Variants in MAF observed in about 807,000 individuals in gnomAD.
MAF encodes the protein transcription factor Maf.
In MAF, 10 loss-of-function variants were observed where a neutral mutation model predicts 22.0. The observed-to-expected ratio is 0.45, with a 90% confidence interval of 0.28 to 0.77. MAF has a LOEUF of 0.77. Among genes scored for constraint, MAF ranks in the 30% least tolerant of loss-of-function variants. The pLI is 0.12. For missense variants in MAF, 544 were observed against 548.4 expected (o/e 0.99, Z 0.08); for synonymous variants, 337 against 255.8 (o/e 1.32, Z -3.03).
chr16:79,334,984 A>G, the MAF span, among the ~76,000 whole-genome samples: 3 of 151,896 alleles, frequency 2.0e-5, no homozygotes, highest in African/African-American at 7.3e-5. Context: ...CAGGAGATTG[A>G]GACCAGCCTG....
chr16:79,564,954 G>A, the MAF span, among the ~76,000 whole-genome samples: 1 of 152,204 alleles, frequency 6.6e-6, no homozygotes, highest in African/African-American at 2.4e-5. Context: ...TGTAAAAAAT[G>A]TGGTACCTCG....
At chr16:79,257,065 T>C in the MAF span, among the ~76,000 whole-genome samples, 1 of 152,054 alleles carries the variant, frequency 6.6e-6, no homozygotes, top group African/African-American at 2.4e-5. Context: ...TAGTCTTGGT[T>C]ACTCGGGAGG....
the MAF span, among the ~76,000 whole-genome samples, chr16:79,495,880 A>G: frequency 6.6e-6 from 1 of 152,224 alleles, no homozygotes; most frequent in Non-Finnish European, 1.5e-5. Context: ...GGAACAAATC[A>G]GAAATATCTC....
At chr16:79,477,720 A>AT in the MAF span, among the ~76,000 whole-genome samples, 22 of 149,944 alleles carry the variant, frequency 1.5e-4, no homozygotes, top group Middle Eastern at 3.2e-3. Flanking sequence ...ATTAAGTGAC[A>AT]TTTTTTTTTT....
the MAF span, among the ~76,000 whole-genome samples, chr16:79,427,312 C>T: frequency 6.6e-6 from 1 of 152,166 alleles, no homozygotes; most frequent in Non-Finnish European, 1.5e-5. Context: ...TGGCTGCCAC[C>T]AAGGGCACTT....
chr16:79,554,180 A>G, the MAF span, among the ~76,000 whole-genome samples: 36 of 152,228 alleles, frequency 2.4e-4, 1 homozygote, highest in Admixed American at 1.6e-3. Flanking sequence ...TTCACTTACT[A>G]TGAGCTAGCA....
At chr16:79,376,603 T>G in the MAF span, among the ~76,000 whole-genome samples, 5 of 152,310 alleles carry the variant, frequency 3.3e-5, no homozygotes, top group South Asian at 2.1e-4. Flanking sequence ...TGTATACATG[T>G]GCCATGTTGG....
At chr16:79,351,272 T>A in the MAF span, among the ~76,000 whole-genome samples, 1 of 151,706 alleles carries the variant, frequency 6.6e-6, no homozygotes, top group Non-Finnish European at 1.5e-5. Context: ...CCCAGAGAGG[T>A]GTGTTGCTGA....
At chr16:79,442,363 A>G in the MAF span, among the ~76,000 whole-genome samples, 1 of 151,772 alleles carries the variant, frequency 6.6e-6, no homozygotes, top group African/African-American at 2.4e-5. Context: ...CTTTTATTTT[A>G]TTTATTTATT....
chr16:79,525,712 T>C, the MAF span, among the ~76,000 whole-genome samples: 1 of 152,204 alleles, frequency 6.6e-6, no homozygotes. Flanking sequence ...AGATTTTTTT[T>C]CTACATTTTT....
chr16:79,490,762 T>G, the MAF span, among the ~76,000 whole-genome samples: 1 of 152,304 alleles, frequency 6.6e-6, no homozygotes, highest in Non-Finnish European at 1.5e-5. Context: ...TGTTTTGTAC[T>G]GAGAACAAAA....
At chr16:79,212,188 G>T in the MAF span, 1 of 1,467,674 alleles carries the variant, frequency 6.8e-7, no homozygotes, top group Non-Finnish European at 8.9e-7. Context: ...GCCGGGGGCT[G>T]GCCTTCTCCT....
At chr16:79,407,588 G>C in the MAF span, among the ~76,000 whole-genome samples, 2 of 152,070 alleles carry the variant, frequency 1.3e-5, no homozygotes, top group Non-Finnish European at 2.9e-5. Flanking sequence ...CATGGCCATG[G>C]CACGACCCAT....
chr16:79,350,898 T>TGTGTGC, the MAF span, among the ~76,000 whole-genome samples: 1 of 144,398 alleles, frequency 6.9e-6, no homozygotes, highest in Admixed American at 6.9e-5. Context: ...TGTGTGTGTG[T>TGTGTGC]GTGTGCGTGT....
At chr16:79,388,618 T>C in the MAF span, among the ~76,000 whole-genome samples, 1 of 152,108 alleles carries the variant, frequency 6.6e-6, no homozygotes, top group Admixed American at 6.5e-5. Context: ...CCTTATCTCT[T>C]CCCAAGAAAC....
chr16:79,320,520 G>C, the MAF span, among the ~76,000 whole-genome samples: 4 of 152,190 alleles, frequency 2.6e-5, no homozygotes, highest in Admixed American at 2.0e-4. Context: ...CTCCGAAGGA[G>C]GCTCCTGGTA....
chr16:79,357,858 T>A, the MAF span, among the ~76,000 whole-genome samples: 3 of 152,240 alleles, frequency 2.0e-5, no homozygotes, highest in African/African-American at 7.2e-5. Flanking sequence ...GAAGCATAGA[T>A]GTATCCCCCT....
chr16:79,472,696 G>A, the MAF span, among the ~76,000 whole-genome samples: 2 of 151,928 alleles, frequency 1.3e-5, no homozygotes, highest in East Asian at 3.9e-4. Context: ...ATTAGAGTAG[G>A]GCGATGGTTG....
the MAF span, among the ~76,000 whole-genome samples, chr16:79,361,547 C>G: frequency 6.6e-6 from 1 of 152,174 alleles, no homozygotes; most frequent in Admixed American, 6.6e-5. Flanking sequence ...GCCATGCTAG[C>G]CGGCTGCCTG....
Sources: gnomAD v4.1 joint callset for allele counts (sites outside exome capture counted in the v4.1 genomes callset) on GRCh38, gnomAD v4.1.1 for gene constraint, MANE v1.5 for transcripts, NCBI Gene and HGNC (gene_info 2026-07-23, HGNC 2026-07-21) for gene names.